Variants in COG6 observed in about 807,000 individuals in gnomAD.
The protein encoded by COG6 is conserved oligomeric Golgi complex subunit 6.
In COG6, 74 loss-of-function variants were observed where a neutral mutation model predicts 88.8. That is an observed-to-expected ratio of 0.83 (90% confidence interval 0.69 to 1.01). The LOEUF (loss-of-function observed/expected upper bound fraction) is 1.01, where lower values mean the gene tolerates loss of function less well. Among genes scored for constraint, COG6 ranks in the 50% least tolerant of loss-of-function variants. The pLI, the probability that COG6 is intolerant of heterozygous loss-of-function variation, is 0.00. For synonymous variants in COG6, 286 were observed against 278.7 expected, an observed-to-expected ratio of 1.03 and a Z score of -0.26; for missense variants, 800 against 797.9, an observed-to-expected ratio of 1.00 and a Z score of -0.03.
chr13:39,696,109 A>ATT (rs1209007759), intron 12 of COG6, among the ~76,000 whole-genome samples: 1 of 151,958 alleles, frequency 6.6e-6, no homozygotes, highest in East Asian at 1.9e-4. Context: ...GGCTCTGAGA[A>ATT]TTATAATTTT....
intron 18 of COG6, among the ~76,000 whole-genome samples, chr13:39,742,668 C>A (rs972447734): frequency 6.6e-6 from 1 of 152,078 alleles, no homozygotes; most frequent in Non-Finnish European, 1.5e-5. Context: ...GATTTTAACA[C>A]CCCACTGTCA....
intron 18 of COG6, among the ~76,000 whole-genome samples, chr13:39,745,925 C>G (rs1439785263): frequency 6.6e-6 from 1 of 152,044 alleles, no homozygotes; most frequent in Non-Finnish European, 1.5e-5. Context: ...GAGTTCATGT[C>G]CTTTGTAGGG....
At chr13:39,699,077 A>T (rs1422759736) in intron 12 of COG6, among the ~76,000 whole-genome samples, 2 of 151,990 alleles carry the variant, frequency 1.3e-5, no homozygotes, top group East Asian at 3.9e-4. Context: ...AGTTTTAATT[A>T]AAAGAATAAC....
chr13:39,753,551 G>A (rs1016759207), downstream of COG6, among the ~76,000 whole-genome samples: 6 of 152,080 alleles, frequency 3.9e-5, no homozygotes, highest in African/African-American at 1.4e-4. Flanking sequence ...ACCAAGAATA[G>A]AAACTATTAG....
intron 6 of COG6, 108 bp from the exon 7 acceptor site, chr13:39,679,867 T>A: frequency 1.4e-6 from 1 of 701,992 alleles, no homozygotes; most frequent in South Asian, 1.7e-5. Flanking sequence ...TCCCATAAAA[T>A]GATAAAAAGT....
intron 1 of COG6, among the ~76,000 whole-genome samples, chr13:39,657,249 T>A (rs781747765): frequency 6.6e-6 from 1 of 152,378 alleles, no homozygotes; most frequent in African/African-American, 2.4e-5. Flanking sequence ...CAGGCTGGTC[T>A]TGAACTCCTG....
chr13:39,759,408 GT>G (rs920471752), intron 18 of COG6, among the ~76,000 whole-genome samples: 22 of 152,140 alleles, frequency 1.4e-4, no homozygotes, highest in Admixed American at 1.4e-3. Context: ...ATATTTACCA[GT>G]TTTTTTATAC....
At chr13:39,685,628 A>G (rs982481051) in intron 8 of COG6, among the ~76,000 whole-genome samples, 2 of 152,134 alleles carry the variant, frequency 1.3e-5, no homozygotes, top group African/African-American at 4.8e-5. Flanking sequence ...AGCTATATAT[A>G]CTTAAAAAGT....
At chr13:39,780,671 A>G (rs1881602199) in intron 18 of COG6, among the ~76,000 whole-genome samples, 1 of 152,120 alleles carries the variant, frequency 6.6e-6, no homozygotes, top group South Asian at 2.1e-4. Context: ...CTGGACATAG[A>G]ATATTATTTT....
intron 4 of COG6, among the ~76,000 whole-genome samples, chr13:39,668,917 T>A (rs551526478): frequency 3.3e-5 from 5 of 152,242 alleles, no homozygotes; most frequent in Non-Finnish European, 7.3e-5. Context: ...ACCTTGATAC[T>A]ATCTACCTGT....
intron 3 of COG6, among the ~76,000 whole-genome samples, chr13:39,663,256 A>T (rs1379261224): frequency 6.6e-6 from 1 of 152,134 alleles, no homozygotes; most frequent in Non-Finnish European, 1.5e-5. Context: ...ATGCAAAAAA[A>T]TTAGCAAATT....
chr13:39,675,502 A>T (rs1430536110), intron 4 of COG6, among the ~76,000 whole-genome samples: 2 of 152,192 alleles, frequency 1.3e-5, no homozygotes, highest in Non-Finnish European at 2.9e-5. Context: ...CCATCTTGAT[A>T]TATTAAACTC....
intron 18 of COG6, among the ~76,000 whole-genome samples, chr13:39,738,415 A>T (rs1305663889): frequency 6.6e-6 from 1 of 152,206 alleles, no homozygotes; most frequent in Admixed American, 6.5e-5. Context: ...AAATAAAGTT[A>T]TTTAGCATAC....
chr13:39,720,084 A>G (rs1433001673), intron 15 of COG6, among the ~76,000 whole-genome samples: 1 of 151,864 alleles, frequency 6.6e-6, no homozygotes, highest in Non-Finnish European at 1.5e-5. Context: ...TGTTTAAAAT[A>G]CTTGATTCAT....
intron 18 of COG6, among the ~76,000 whole-genome samples, chr13:39,746,415 C>T (rs1880356469): frequency 6.6e-6 from 1 of 152,104 alleles, no homozygotes; most frequent in African/African-American, 2.4e-5. Context: ...AACCAGTGTT[C>T]AGCATGCACT....
chr13:39,690,936 A>G (rs1406337349), intron 11 of COG6, among the ~76,000 whole-genome samples: 1 of 151,726 alleles, frequency 6.6e-6, no homozygotes, highest in African/African-American at 2.4e-5. Flanking sequence ...GAAAGGTAGA[A>G]GAAGAGGAGG....
At chr13:39,679,290 T>C in intron 5 of COG6, 1 of 463,790 alleles carries the variant, frequency 2.2e-6, no homozygotes, top group Non-Finnish European at 3.9e-6. Flanking sequence ...ATAAATTTTA[T>C]TTTCCTGGCA....
At chr13:39,756,497 GT>G (rs1324114193), downstream of COG6, among the ~76,000 whole-genome samples, 1 of 152,118 alleles carries the variant, frequency 6.6e-6, no homozygotes, top group Non-Finnish European at 1.5e-5. Flanking sequence ...TAGAAATTTG[GT>G]GTAAAACATT....
At chr13:39,665,319 A>C (rs538010227) in intron 4 of COG6, among the ~76,000 whole-genome samples, 165 bp downstream of exon 4, 5 of 152,234 alleles carry the variant, frequency 3.3e-5, no homozygotes, top group Middle Eastern at 3.2e-3. Context: ...TAAAGACAGT[A>C]GTTTAGGAGC....
Sources: gnomAD v4.1 joint callset for allele counts (sites outside exome capture counted in the v4.1 genomes callset) on GRCh38, gnomAD v4.1.1 for gene constraint, MANE v1.5 for transcripts, NCBI Gene and HGNC (gene_info 2026-07-23, HGNC 2026-07-21) for gene names.